GPR107: variants seen among roughly 807,000 people sequenced by gnomAD.
GPR107 encodes protein GPR107.
Under a neutral mutation model 75.5 loss-of-function variants are expected in GPR107, and 31 were observed. That is an observed-to-expected ratio of 0.41 (90% confidence interval 0.31 to 0.55). The LOEUF (loss-of-function observed/expected upper bound fraction) is 0.55. GPR107 is among the 20% of genes least tolerant of loss of function. The pLI is 0.26. For missense variants in GPR107, 572 were observed against 665.7 expected, an observed-to-expected ratio of 0.86 and a Z score of 1.55; for synonymous variants, 267 against 251.3, an observed-to-expected ratio of 1.06 and a Z score of -0.59.
At position 130,098,151 on chromosome 9, in the gene GPR107, G is replaced by A. The variant is rs565824381; in HGVS notation, c.864-1306G>A. 3.3e-5 allele frequency among the ~76,000 whole-genome samples: 5 copies of A among 152,218 alleles called. No homozygotes were observed. The South Asian group carries it at 1.0e-3, about 32-fold the overall frequency. ...TCCCACCTCAGCCTCCCTAAGTGTG[G>A]GATTACAGGCATGAGCCACTGCACC... On this transcript the variant is annotated intron_variant, in intron 9 of 17. Transcript: ENST00000347136.
chr9:130,123,248 A>G (rs538569635), intron 14 of GPR107, among the ~76,000 whole-genome samples: 3 of 152,150 alleles, frequency 2.0e-5, no homozygotes, highest in South Asian at 2.1e-4. Flanking sequence ...TCTGTCACCC[A>G]GACTGGAGGG....
At chr9:130,055,937 ACT>A (rs1280722757) in intron 1 of GPR107, among the ~76,000 whole-genome samples, 4 of 151,532 alleles carry the variant, frequency 2.6e-5, no homozygotes, top group African/African-American at 7.3e-5. Flanking sequence ...AAAGAACTAT[ACT>A]CTGTCTCAAA....
chr9:130,097,832 G>A (rs1381668134), intron 9 of GPR107, among the ~76,000 whole-genome samples: 1 of 145,204 alleles, frequency 6.9e-6, no homozygotes, highest in Non-Finnish European at 1.5e-5. Context: ...TCAGCCTCCC[G>A]AATAGCTGAA....
chr9:130,095,716 G>C (rs573693115), intron 9 of GPR107, among the ~76,000 whole-genome samples: 24 of 152,174 alleles, frequency 1.6e-4, no homozygotes, highest in Non-Finnish European at 3.2e-4. Context: ...TTTTCAATCT[G>C]TGGTTAAATG....
chr9:130,115,637 T>C (rs1211561023), intron 14 of GPR107, among the ~76,000 whole-genome samples: 6 of 151,628 alleles, frequency 4.0e-5, no homozygotes, highest in African/African-American at 1.5e-4. Context: ...TGGTGGTGGG[T>C]GCCTGTAGTG....
intron 1 of GPR107, among the ~76,000 whole-genome samples, chr9:130,056,761 T>TA (rs1477404413): frequency 6.6e-6 from 1 of 150,766 alleles, no homozygotes; most frequent in African/African-American, 2.4e-5. Flanking sequence ...CCGTCTCTAC[T>TA]AAAAATACAA....
intron 17 of GPR107, among the ~76,000 whole-genome samples, chr9:130,134,192 T>G (rs1831897324): frequency 6.6e-6 from 1 of 152,224 alleles, no homozygotes; most frequent in Non-Finnish European, 1.5e-5. Context: ...TGCCTAGTTC[T>G]GCTACTCACA....
At chr9:130,075,495 C>G (rs143200191) in intron 1 of GPR107, 141 bp from the exon 2 acceptor site, 14,275 of 538,448 alleles carry the variant, frequency 0.027, 272 homozygotes, top group East Asian at 0.049. Flanking sequence ...ATCCACCCGC[C>G]TCAGTCTCCC....
chr9:130,097,768 G>A (rs7026292), intron 9 of GPR107, among the ~76,000 whole-genome samples: 148,714 of 150,504 alleles, frequency 0.99, 73,486 homozygotes, highest in East Asian at 1. Context: ...GAGCAGTGGC[G>A]TAATCAAGGC....
chr9:130,123,331 A>T (rs1408802502), intron 14 of GPR107, among the ~76,000 whole-genome samples: 1 of 151,916 alleles, frequency 6.6e-6, no homozygotes, highest in Non-Finnish European at 1.5e-5. Context: ...AGCCTCCCAA[A>T]TAGCTGGGAT....
chr9:130,130,801 C>T (rs972434348), intron 17 of GPR107, among the ~76,000 whole-genome samples: 3 of 144,532 alleles, frequency 2.1e-5, no homozygotes, highest in South Asian at 2.3e-4. Flanking sequence ...AATCGGAAGG[C>T]GGAGGTTGCA....
intron 8 of GPR107, among the ~76,000 whole-genome samples, chr9:130,091,262 G>A (rs1830729036): frequency 6.6e-6 from 1 of 152,092 alleles, no homozygotes; most frequent in Non-Finnish European, 1.5e-5. Flanking sequence ...GCTGAGGTGG[G>A]CAGATCACCT....
rs200523047 is a variant in GPR107, at chr9:130,099,490, G to A, written c.897G>A (p.Ala299=). The A allele has an allele frequency of 6.9e-5, 111 of 1,603,048 alleles. 1 individual carries two copies. The East Asian group carries it at 2.0e-3, about 29-fold the overall frequency. Residue 299 remains alanine, a synonymous_variant, in exon 10 of 18, where the codon GCG becomes GCA. Transcript: ENST00000347136. ...NDVFKIHWLM[A]ALPFTKSLSL... is the part of the protein sequence containing the mutation. Reference sequence around the variant, plus strand: ...TATTTAAAATCCACTGGCTGATGGCGGCCCTTCCTTTCACCAAGTCTCTTT... The same window carrying A: ...TATTTAAAATCCACTGGCTGATGGCAGCCCTTCCTTTCACCAAGTCTCTTT...
Position 130,111,656 on chromosome 9 carries a change from A to T in GPR107, c.1306+4117A>T, listed in dbSNP as rs1192375577. Among the ~76,000 whole-genome samples, 3 of 148,042 alleles carry T rather than the reference A, an allele frequency of 2.0e-5. No homozygotes were observed. In the Admixed American group the frequency reaches 2.0e-4, roughly 10 times the overall value. ...AGTTTTCCTTCCTGCATTGGGGTGA[A>T]TACAGCTTTCCGTTTTGGGGTGAAT... On this transcript the variant is annotated intron_variant, in intron 14 of 17. Transcript: ENST00000347136.
chr9:130,103,308 A>G lies in GPR107; in HGVS notation c.1132-1112A>G, dbSNP rs56354940. 0.063 allele frequency among the ~76,000 whole-genome samples: 9,521 copies of G among 152,292 alleles called. 392 individuals are homozygous for G. The highest frequency in any genetic ancestry group is 0.095 in the Non-Finnish European group (6,480 of 68,018). ...TAAACTTAGAGACTTCCTAAATAAT[A>G]GCACTACAGATTTTACATGCAAAGT... On this transcript the variant is annotated intron_variant, in intron 12 of 17. Coordinates refer to ENST00000347136, the MANE Select transcript of GPR107 (RefSeq NM_020960.5). The surrounding 1 kb of genome is among the most constrained non-coding windows in gnomAD (Gnocchi z 4.3).
chr9:130,120,691 G>C (rs1195993552), intron 14 of GPR107: 1 of 152,440 alleles, frequency 6.6e-6, no homozygotes, highest in Non-Finnish European at 1.5e-5. Context: ...CCTCCGCAGA[G>C]TCAAGGTCTT....
chr9:130,054,163 C>T, intron 1 of GPR107, 90 bp downstream of exon 1: 1 of 1,200,636 alleles, frequency 8.3e-7, no homozygotes, highest in South Asian at 1.5e-5. Context: ...GACCTCTGAG[C>T]CACTGGACCA....
At chr9:130,075,784 C>CTT (rs11446412) in intron 2 of GPR107, 35 bp downstream of exon 2, 30,298 of 666,492 alleles carry the variant, frequency 0.045, 6 homozygotes, top group South Asian at 0.066. Flanking sequence ...GGGGTTTACT[C>CTT]TTTTTTTTTT....
chr9:130,078,142 G>A (rs954095483), intron 4 of GPR107, among the ~76,000 whole-genome samples: 2 of 151,478 alleles, frequency 1.3e-5, no homozygotes, highest in Admixed American at 6.6e-5. Flanking sequence ...TCCAGCCTGG[G>A]TGAGAGAGTG....
Sources: gnomAD v4.1 joint callset for allele counts (sites outside exome capture counted in the v4.1 genomes callset) on GRCh38, gnomAD v4.1.1 for gene constraint, Gnocchi (gnomAD v3.1) non-coding constraint, MANE v1.5 for transcripts, NCBI Gene and HGNC (gene_info 2026-07-23, HGNC 2026-07-21) for gene names.